The following GORAB variants were observed in gnomAD, a reference collection of about 807,000 sequenced individuals.
GORAB encodes RAB6-interacting golgin.
A neutral mutation model predicts 29.9 loss-of-function variants in GORAB; 17 were observed. The observed-to-expected ratio is 0.57, with a 90% CI of 0.39 to 0.85. GORAB has a LOEUF of 0.85. Among genes scored for constraint, GORAB ranks in the 40% least tolerant of loss-of-function variants. The probability of loss-of-function intolerance (pLI) is 0.00; values close to 1 mark genes in which losing one functional copy is unlikely to be tolerated. For missense variants in GORAB, 442 were observed against 437.8 expected (o/e 1.01, Z -0.09); for synonymous variants, 183 against 157.2 (o/e 1.16, Z -1.23).
At chr1:170,543,430 G>A (rs570401593) in intron 3 of GORAB, among the ~76,000 whole-genome samples, 7 of 150,202 alleles carry the variant, frequency 4.7e-5, no homozygotes, top group African/African-American at 1.4e-4. Flanking sequence ...GTAGGGGCAG[G>A]AGAAGAGGGA....
chr1:170,540,407 T>C (rs992969138), intron 2 of GORAB, among the ~76,000 whole-genome samples: 5 of 152,162 alleles, frequency 3.3e-5, no homozygotes, highest in African/African-American at 1.2e-4. Flanking sequence ...GGAATGACAT[T>C]TTTCTGTTTT....
Position 170,552,118 on chromosome 1 carries a change from A to T in GORAB, c.766A>T (p.Ile256Leu). 1.9e-6 allele frequency: 3 copies of T among 1,614,154 alleles called. No homozygotes were observed. Among genetic ancestry groups the T allele is most frequent in the Non-Finnish European group, 2.5e-6 (3 of 1,179,994 alleles). The change falls in exon 5 of 5, where the codon ATA becomes TTA. Residue 256 changes from isoleucine to leucine, a missense_variant. By Grantham distance (5) the Ile-to-Leu change is conservative. Coordinates refer to ENST00000367763, the MANE Select transcript of GORAB (RefSeq NM_152281.3). The part of the protein sequence containing the change: ...EQLTEHLCTI[I>L]QQNELRKAKK... ...ACTCACTGAACACCTTTGTACGATCATACAGCAAAATGAGCTCCGAAAGGC... is the reference window on the plus strand; with the variant it reads ...ACTCACTGAACACCTTTGTACGATCTTACAGCAAAATGAGCTCCGAAAGGC...
At chr1:170,539,645 ATTTG>A (rs1426492168) in intron 2 of GORAB, 78 bp downstream of exon 2, 2 of 1,449,802 alleles carry the variant, frequency 1.4e-6, no homozygotes, top group Non-Finnish European at 1.9e-6. Flanking sequence ...AGGAAATATA[ATTTG>A]TTTATTTTAA....
At chr1:170,535,691 C>T (rs1049189260) in intron 1 of GORAB, among the ~76,000 whole-genome samples, 2 of 152,026 alleles carry the variant, frequency 1.3e-5, no homozygotes, top group Admixed American at 6.6e-5. Context: ...CAGCTGTGTG[C>T]CATTACACCA....
At position 170,532,201 on chromosome 1, in the gene GORAB, G is replaced by A. The variant is rs867906975; in HGVS notation, c.-23G>A. The A allele has an allele frequency of 3.1e-6, 5 of 1,613,828 alleles. No homozygotes were observed. Among genetic ancestry groups the A allele is most frequent in the Admixed American group, 1.7e-5 (1 of 60,004 alleles). ...GCGGCTGCGAGATTTGGGCACTTTT[G>A]GGGGTGCCGGTGGCCCGGGCCGATG... On this transcript the variant is annotated 5_prime_UTR_variant, in exon 1 of 5. Transcript: ENST00000367763.
intron 3 of GORAB, among the ~76,000 whole-genome samples, chr1:170,544,302 C>T (rs1435675649): frequency 1.3e-5 from 2 of 152,118 alleles, no homozygotes; most frequent in African/African-American, 4.8e-5. Context: ...TCTATCTGTT[C>T]TTAATGTCAG....
intron 1 of GORAB, among the ~76,000 whole-genome samples, chr1:170,535,769 G>A (rs544301371): frequency 8.6e-5 from 13 of 151,932 alleles, no homozygotes; most frequent in African/African-American, 1.9e-4. Flanking sequence ...TTTTGCCTAG[G>A]TTGGTCTCAA....
rs1458422384 is a variant in GORAB, at chr1:170,552,609, C to T, written c.*147C>T. The T allele has an allele frequency of 1.3e-6, 1 of 771,216 alleles. No individual in the cohort carries two copies. The highest frequency in any genetic ancestry group is 1.4e-5 in the South Asian group (1 of 69,606). The allele number at this position is 771,216 out of a possible 1,614,324, so 47.8% of individuals were successfully genotyped here. On this transcript the variant is annotated 3_prime_UTR_variant, in exon 5 of 5. Coordinates refer to ENST00000367763, the MANE Select transcript of GORAB (RefSeq NM_152281.3). ...GTTTTAGTAAATTAATAGGTTTGGC[C>T]ATTCTAAAATCCAAAATTATGATAA...
Position 170,552,631 on chromosome 1 carries a change from A to G in GORAB, c.*169A>G, listed in dbSNP as rs1448428153. 8 of 690,632 alleles carry G rather than the reference A, an allele frequency of 1.2e-5. No individual in the cohort carries two copies. The highest frequency in any genetic ancestry group is 7.0e-5 in the African/African-American group (4 of 56,904). The allele number at this position is 690,632 out of a possible 1,614,324, so 42.8% of individuals were successfully genotyped here. On this transcript the variant is annotated 3_prime_UTR_variant, in exon 5 of 5. Coordinates refer to ENST00000367763, the MANE Select transcript of GORAB (RefSeq NM_152281.3). ...GGCCATTCTAAAATCCAAAATTATGATAACTGTATTTCTAGGGGTATGTTT... is the reference window on the plus strand; with the variant it reads ...GGCCATTCTAAAATCCAAAATTATGGTAACTGTATTTCTAGGGGTATGTTT...
At chr1:170,533,291 G>C (rs113041566) in intron 1 of GORAB, among the ~76,000 whole-genome samples, 21 of 152,294 alleles carry the variant, frequency 1.4e-4, no homozygotes, top group African/African-American at 5.1e-4. Context: ...TAGTAAGATA[G>C]GGCCAATGTA....
chr1:170,539,629 G>A, intron 2 of GORAB, 62 bp downstream of exon 2: 1 of 1,525,998 alleles, frequency 6.6e-7, no homozygotes, highest in Non-Finnish European at 8.9e-7. Flanking sequence ...TTCCCAATGG[G>A]CTTTAAGGAA....
At chr1:170,545,444 T>C (rs1649697984) in intron 4 of GORAB, 3 of 969,024 alleles carry the variant, frequency 3.1e-6, no homozygotes, top group Admixed American at 1.2e-4. Flanking sequence ...TTTCAACCAT[T>C]GGCATTTTTT....
intron 2 of GORAB, among the ~76,000 whole-genome samples, chr1:170,541,952 A>G (rs1218462438): frequency 6.6e-6 from 1 of 152,176 alleles, no homozygotes; most frequent in African/African-American, 2.4e-5. Context: ...GTTCTCCACA[A>G]AAAGGAAAAA....
chr1:170,538,408 A>G (rs1458244663), intron 1 of GORAB, among the ~76,000 whole-genome samples: 2 of 152,224 alleles, frequency 1.3e-5, no homozygotes, highest in African/African-American at 4.8e-5. Context: ...ATCTTATGAA[A>G]TATAGTATGA....
At position 170,544,041 on chromosome 1, in the gene GORAB, ATTTG is replaced by A. The variant is rs746545487; in HGVS notation, c.522-657_522-654del. Among the ~76,000 whole-genome samples, 32 of 152,140 alleles carry A rather than the reference ATTTG, an allele frequency of 2.1e-4. 1 individual carries two copies. Among genetic ancestry groups the A allele is most frequent in the Admixed American group, 8.5e-4 (13 of 15,282 alleles). On this transcript the variant is annotated intron_variant, in intron 3 of 4. Coordinates refer to ENST00000367763, the MANE Select transcript of GORAB (RefSeq NM_152281.3). ...ATCATGATTAAAGGGTTGCTTTTTT[ATTTG>A]TTTGTTCCCTTTCTTAAGTATATAT... is the stretch of plus-strand genomic sequence containing the variant.
chr1:170,551,918 T>C, intron 4 of GORAB, 97 bp from the exon 5 acceptor site: 3 of 1,025,108 alleles, frequency 2.9e-6, no homozygotes, highest in Non-Finnish European at 4.5e-6. Context: ...ATATATTTTT[T>C]CCCAATTTTG....
chr1:170,552,584 GTTTTAGTAAA>G lies in GORAB; in HGVS notation c.*125_*134del. The G allele has an allele frequency of 1.1e-6, 1 of 873,226 alleles. No individual in the cohort carries two copies. 54.1% of individuals were successfully genotyped at this position (873,226 alleles called of 1,614,324 possible). A position where few individuals can be genotyped will look rare whatever the true frequency, so the allele number is the denominator to read the frequency against. On this transcript the variant is annotated 3_prime_UTR_variant, in exon 5 of 5. Transcript: ENST00000367763. ...ATGCTGATTTTTGAATTCATGATTA[GTTTTAGTAAA>G]TTAATAGGTTTGGCCATTCTAAAAT... is the stretch of plus-strand genomic sequence containing the variant.
At chr1:170,542,889 T>C (rs1356132610) in intron 3 of GORAB, among the ~76,000 whole-genome samples, 1 of 152,200 alleles carries the variant, frequency 6.6e-6, no homozygotes, top group Non-Finnish European at 1.5e-5. Flanking sequence ...AAGCAGTAAA[T>C]AGCTATCAGT....
At chr1:170,550,718 G>A (rs546743698) in intron 4 of GORAB, among the ~76,000 whole-genome samples, 1 of 152,240 alleles carries the variant, frequency 6.6e-6, no homozygotes, top group Admixed American at 6.5e-5. Flanking sequence ...TCTTGTACTA[G>A]AAGCTACTTA....
Sources: allele counts gnomAD v4.1 joint callset (sites outside exome capture counted in the v4.1 genomes callset), GRCh38; gene constraint gnomAD v4.1.1; transcripts MANE v1.5; gene names NCBI Gene and HGNC (gene_info 2026-07-23, HGNC 2026-07-21).